The following ZAN variants were observed in gnomAD, a reference collection of about 807,000 sequenced individuals.
ZAN encodes the protein zonadhesin, also known as zonadhesin (gene/pseudogene).
In ZAN, 260 loss-of-function variants were observed where a neutral mutation model predicts 286.2. That is an observed-to-expected ratio of 0.91 (90% CI 0.82 to 1.01). The LOEUF (loss-of-function observed/expected upper bound fraction) is 1.01. Among genes scored for constraint, ZAN ranks in the 50% least tolerant of loss-of-function variants. The pLI is 0.00. For synonymous variants in ZAN, 1,368 were observed against 1,417.5 expected, an observed-to-expected ratio of 0.97 and a Z score of 0.79; for missense variants, 3,410 against 3,639.2, an observed-to-expected ratio of 0.94 and a Z score of 1.62.
chr7:100,735,328 G>A lies in ZAN; in HGVS notation c.54-392G>A, dbSNP rs1487190211. On this transcript the variant is annotated intron_variant, in intron 2 of 47. Coordinates refer to ENST00000613979, the MANE Select transcript of ZAN (RefSeq NM_003386.3). The stretch of plus-strand genomic sequence containing the variant: ...ACCGGTAATCCCAGCACTTTGGGAG[G>A]CCAAAGTGGGAGGATTGCATAAGGC... 3.6e-5 allele frequency among the ~76,000 whole-genome samples: 5 copies of A among 139,026 alleles called. 1 individual carries two copies. Among genetic ancestry groups the A allele is most frequent in the African/African-American group, 1.3e-4 (5 of 38,018 alleles). 91.2% of individuals were successfully genotyped at this position (139,026 alleles called of 152,430 possible).
At position 100,763,502 on chromosome 7, in the gene ZAN, G is replaced by T. The variant is rs888773846; in HGVS notation, c.3987-304G>T. ...TTCTCTCACCTCAGCCTCCTGAGTA[G>T]CTGGGGCTATGGACGTGCGCCATAT... On this transcript the variant is annotated intron_variant, in intron 20 of 47. Transcript: ENST00000613979. This position sits in a 1 kb window ranked among gnomAD's most constrained non-coding sequence, Gnocchi z 4.6. Among the ~76,000 whole-genome samples the T allele has an allele frequency of 2.6e-5, 4 of 152,100 alleles. No individual in the cohort carries two copies. Among genetic ancestry groups the T allele is most frequent in the Non-Finnish European group, 5.9e-5 (4 of 68,032 alleles).
Position 100,734,065 on chromosome 7 carries a change from C to T in ZAN, c.-104C>T, listed in dbSNP as rs1807129519. 2.5e-5 allele frequency: 18 copies of T among 716,810 alleles called. 4 individuals are homozygous for T. The South Asian group carries it at 2.9e-4, about 11-fold the overall frequency. The allele number at this position is 716,810 out of a possible 1,614,324, so 44.4% of individuals were successfully genotyped here. A position where few individuals can be genotyped will look rare whatever the true frequency, so the allele number is the denominator to read the frequency against. On this transcript the variant is annotated 5_prime_UTR_variant, in exon 2 of 48. Coordinates refer to ENST00000613979, the MANE Select transcript of ZAN (RefSeq NM_003386.3). The stretch of plus-strand genomic sequence containing the variant: ...TTCTCTGTTCATTCTTCATGGCATC[C>T]TTGGAAGGATGCCAAGCTAAGGAGG...
chr7:100,766,082 G>T (rs934020087), intron 23 of ZAN, among the ~76,000 whole-genome samples: 5 of 151,992 alleles, frequency 3.3e-5, no homozygotes, highest in African/African-American at 1.2e-4. Context: ...CGCCTCCCAG[G>T]TTCAAGCGAT....
chr7:100,792,076 G>C lies in ZAN; in HGVS notation c.7640G>C (p.Cys2547Ser), dbSNP rs376149242. 4.8e-5 allele frequency: 77 copies of C among 1,613,108 alleles called. No homozygotes were observed. The African/African-American group carries it at 9.1e-4, about 19-fold the overall frequency. Residue 2547 changes from cysteine to serine, a missense_variant, in exon 41 of 48, where the codon TGT becomes TCT. Cys to Ser is a moderately radical substitution (Grantham distance 112). Coordinates refer to ENST00000613979, the MANE Select transcript of ZAN (RefSeq NM_003386.3). ...CTGGCGAGCAACAGCACCCAGGCCT[G>C]TAGGGTGCTGGCAGACCCCCAGGGC... ...EQLASNSTQA[C>S]RVLADPQGPF... is the part of the protein sequence containing the mutation.
chr7:100,750,531 C>G (rs1340279368), intron 11 of ZAN, 94 bp from the exon 12 acceptor site: 10 of 1,428,060 alleles, frequency 7.0e-6, no homozygotes, highest in Non-Finnish European at 9.5e-6. Context: ...AGTGTTTGCT[C>G]AGATTCCCGT....
chr7:100,788,987 CTG>C (rs1811757439), intron 38 of ZAN, among the ~76,000 whole-genome samples: 1 of 152,202 alleles, frequency 6.6e-6, no homozygotes. Flanking sequence ...GTGTGAGCCA[CTG>C]TGCCCGGCCT....
rs780555495 is a variant in ZAN, at chr7:100,797,389, C to G, written c.8290C>G (p.Leu2764Val). 3 of 1,613,808 alleles carry G rather than the reference C, an allele frequency of 1.9e-6. 1 individual carries two copies. The South Asian group carries it at 3.3e-5, about 18-fold the overall frequency. Residue 2764 changes from leucine to valine, a missense_variant, in exon 46 of 48, where the codon CTG (leucine) becomes GTG (valine). Leu to Val is a conservative substitution (Grantham distance 32, BLOSUM62 1). Coordinates refer to ENST00000613979, the MANE Select transcript of ZAN (RefSeq NM_003386.3). ...KPASNLVGVL[L>V]GLLVPVVVVL... ...AGCATCTAACCTGGTGGGCGTCCTA[C>G]TGGGACTGCTGGTGCCTGTGGTGGT... is the stretch of plus-strand genomic sequence containing the variant.
intron 45 of ZAN, 56 bp from the exon 46 acceptor site, chr7:100,797,306 CTCAG>C: frequency 6.5e-7 from 1 of 1,531,602 alleles, no homozygotes; most frequent in South Asian, 1.1e-5. Context: ...GGGAGTACCC[CTCAG>C]TCCCCACCCT....
intron 7 of ZAN, among the ~76,000 whole-genome samples, chr7:100,738,876 TC>T (rs1562911275): frequency 0.2 from 4,008 of 19,926 alleles, 1,153 homozygotes; most frequent in African/African-American, 0.5. Context: ...CTTCTTCTTC[TC>T]CCTCTCCCTC....
intron 14 of ZAN, among the ~76,000 whole-genome samples, chr7:100,754,332 G>T (rs1395271212): frequency 3.3e-5 from 5 of 151,858 alleles, no homozygotes; most frequent in Middle Eastern, 3.4e-3. Context: ...GGTGGTGGGT[G>T]CCTGTAGTCC....
chr7:100,750,459 A>G (rs1178130359), intron 11 of ZAN, among the ~76,000 whole-genome samples, 166 bp from the exon 12 acceptor site: 1 of 152,100 alleles, frequency 6.6e-6, no homozygotes, highest in Non-Finnish European at 1.5e-5. Flanking sequence ...TTGTGATCCC[A>G]CCTTCTTTAG....
rs766738964 is a variant in ZAN at position 100,792,162 on chromosome 7, C to T, written c.7712+14C>T. The T allele has an allele frequency of 2.5e-6, 4 of 1,590,004 alleles. No individual in the cohort carries two copies. In the Admixed American group the frequency reaches 5.3e-5, roughly 21 times the overall value. ...GCCCTTCCAAGAGTGAGTCATGGGC[C>T]CAGGACTTGTGGGAATGGCCCAGGT... On this transcript the variant is annotated intron_variant, in intron 41 of 47. Transcript: ENST00000613979.
At chr7:100,784,480 T>C (rs1051830354) in intron 35 of ZAN, 143 bp from the exon 36 acceptor site, 1 of 786,140 alleles carries the variant, frequency 1.3e-6, no homozygotes, top group African/African-American at 1.8e-5. Flanking sequence ...ACTCAGTAAA[T>C]GTTTGCTGAA....
rs1365394392 is a variant in ZAN at position 100,734,239 on chromosome 7, G to A, written c.53+18G>A. Reference sequence around the variant, plus strand: ...CTTTTCAGGTAAGCTGGGCCCAGGGGGTAATGATAAACCAGGGTCAGCTGA... The same window carrying A: ...CTTTTCAGGTAAGCTGGGCCCAGGGAGTAATGATAAACCAGGGTCAGCTGA... On this transcript the variant is annotated intron_variant, in intron 2 of 47. Coordinates refer to ENST00000613979, the MANE Select transcript of ZAN (RefSeq NM_003386.3). 4 of 1,419,970 alleles carry A rather than the reference G, an allele frequency of 2.8e-6. No homozygotes were observed. The highest frequency in any genetic ancestry group is 3.8e-6 in the Non-Finnish European group (4 of 1,046,412). 88.0% of individuals were successfully genotyped at this position (1,419,970 alleles called of 1,614,324 possible). A position where few individuals can be genotyped will look rare whatever the true frequency, so the allele number is the denominator to read the frequency against.
At position 100,748,228 on chromosome 7, in the gene ZAN, C is replaced by G; in HGVS notation, c.1102+13C>G. The G allele has an allele frequency of 6.2e-7, 1 of 1,613,834 alleles. No individual in the cohort carries two copies. Among genetic ancestry groups the G allele is most frequent in the Non-Finnish European group, 8.5e-7 (1 of 1,179,866 alleles). ...GCTCCTTGTGGGGGTGAGAGCAGGC[C>G]CTGAGAGGCCCGGATCTCTCAGAAT... On this transcript the variant is annotated intron_variant, in intron 10 of 47. Transcript: ENST00000613979.
At chr7:100,784,943 G>A (rs977400976) in intron 36 of ZAN, 109 bp downstream of exon 36, 48 of 1,293,624 alleles carry the variant, frequency 3.7e-5, no homozygotes, top group Non-Finnish European at 4.5e-5. Context: ...CAGCTGGCCC[G>A]GGGGTGTGAA....
chr7:100,737,168 G>A lies in ZAN; in HGVS notation c.525+88G>A. 26 of 1,430,460 alleles carry A rather than the reference G, an allele frequency of 1.8e-5. 7 individuals are homozygous for A. Among genetic ancestry groups the A allele is most frequent in the Non-Finnish European group, 2.5e-5 (26 of 1,047,746 alleles). The allele number at this position is 1,430,460 out of a possible 1,614,324, so 88.6% of individuals were successfully genotyped here. A position where few individuals can be genotyped will look rare whatever the true frequency, so the allele number is the denominator to read the frequency against. ...TGGGGGTGTGGCAAAAAGGGATTGTGGGGGCCAAGCCATCTGAATTCAGGA... is the reference window on the plus strand; with the variant it reads ...TGGGGGTGTGGCAAAAAGGGATTGTAGGGGCCAAGCCATCTGAATTCAGGA... On this transcript the variant is annotated intron_variant, in intron 5 of 47. Coordinates refer to ENST00000613979, the MANE Select transcript of ZAN (RefSeq NM_003386.3).
At position 100,747,038 on chromosome 7, in the gene ZAN, C is replaced by T. The variant is rs971225493; in HGVS notation, c.931+336C>T. ...GGCGGAGGTTGCAGTGAGCCGAGAT[C>T]GCGCCACTGCACTCCGGCCTGGTGA... On this transcript the variant is annotated intron_variant, in intron 8 of 47. Coordinates refer to ENST00000613979, the MANE Select transcript of ZAN (RefSeq NM_003386.3). Among the ~76,000 whole-genome samples, 124 of 147,902 alleles carry T rather than the reference C, an allele frequency of 8.4e-4. 8 individuals carry two copies. The highest frequency in any genetic ancestry group is 5.0e-5 in the African/African-American group (2 of 39,914).
intron 35 of ZAN, among the ~76,000 whole-genome samples, chr7:100,781,133 C>T (rs1295025997): frequency 6.6e-6 from 1 of 151,812 alleles, no homozygotes; most frequent in East Asian, 1.9e-4. Context: ...AGTGGTGTGA[C>T]CTTGGCTCAC....
Sources: allele counts gnomAD v4.1 joint callset (sites outside exome capture counted in the v4.1 genomes callset), GRCh38; gene constraint gnomAD v4.1.1; non-coding constraint Gnocchi (gnomAD v3.1); transcripts MANE v1.5; gene names NCBI Gene and HGNC (gene_info 2026-07-23, HGNC 2026-07-21).